The following ADAMTSL1 variants were observed in gnomAD, a reference collection of about 807,000 sequenced individuals.
The protein encoded by ADAMTSL1 is ADAMTS-like protein 1.
Under a neutral mutation model 201.8 loss-of-function variants are expected in ADAMTSL1, and 126 were observed. The observed-to-expected ratio is 0.62, with a 90% confidence interval of 0.54 to 0.72. The LOEUF (loss-of-function observed/expected upper bound fraction) is 0.72, where lower values mean the gene tolerates loss of function less well. Among genes scored for constraint, ADAMTSL1 ranks in the 30% least tolerant of loss-of-function variants. ADAMTSL1 has a pLI of 0.00. For synonymous variants in ADAMTSL1, 1,121 were observed against 903.4 expected, an observed-to-expected ratio of 1.24 and a Z score of -4.32; for missense variants, 2,679 against 2,277.8, an observed-to-expected ratio of 1.18 and a Z score of -3.59.
chr9:18,744,117 T>G (rs1818997068), intron 15 of ADAMTSL1, among the ~76,000 whole-genome samples: 1 of 152,244 alleles, frequency 6.6e-6, no homozygotes, highest in Non-Finnish European at 1.5e-5. Context: ...TGAGATAACA[T>G]AAACAGTCTT....
chr9:18,493,115 T>G (rs1014830475), intron 1 of ADAMTSL1, among the ~76,000 whole-genome samples: 1 of 152,192 alleles, frequency 6.6e-6, no homozygotes, highest in Non-Finnish European at 1.5e-5. Context: ...CTCTATTAAT[T>G]TATTTTAACA....
At chr9:17,983,540 T>C (rs758667426) in intron 1 of ADAMTSL1, among the ~76,000 whole-genome samples, 2 of 152,222 alleles carry the variant, frequency 1.3e-5, no homozygotes, top group Non-Finnish European at 2.9e-5. Flanking sequence ...AGGATAACTC[T>C]ATGTGGTTAG....
chr9:18,257,696 G>A (rs946967330), intron 2 of ADAMTSL1, among the ~76,000 whole-genome samples: 1 of 151,970 alleles, frequency 6.6e-6, no homozygotes, highest in South Asian at 2.1e-4. Context: ...TACCCCCAAA[G>A]AACCGAAAGC....
rs367801563 is a variant in ADAMTSL1, at chr9:18,777,112, C to T, written c.2883C>T (p.Ile961=). ...PAREHFVIKL[I]GGNRKLVARP... is the part of the protein sequence containing the mutation. ...GGGAGCACTTTGTGATTAAGCTCAT[C>T]GGAGGCAACCGCAAGCTCGTGGCCC... The change falls in exon 19 of 29, where the codon ATC becomes ATT. Residue 961 remains isoleucine, a synonymous_variant. Transcript: ENST00000380548. 7.6e-5 allele frequency: 123 copies of T among 1,612,952 alleles called. No individual in the cohort carries two copies. The highest frequency in any genetic ancestry group is 9.0e-5 in the Non-Finnish European group (106 of 1,179,830).
rs563755504 is a variant in ADAMTSL1, at chr9:18,517,931, T to A, written c.191+12975T>A. ...GAAAGTTCTTCATGGCCTGGAGTTA[T>A]CTTTATAACAGTTCCTTCTGTATGT... On this transcript the variant is annotated intron_variant, in intron 2 of 28. Transcript: ENST00000380548. Among the ~76,000 whole-genome samples, 3 of 152,276 alleles carry A rather than the reference T, an allele frequency of 2.0e-5. No individual in the cohort carries two copies. In the East Asian group the frequency reaches 5.8e-4, roughly 29 times the overall value.
At chr9:18,845,924 G>A (rs1273110160) in intron 23 of ADAMTSL1, among the ~76,000 whole-genome samples, 1 of 152,188 alleles carries the variant, frequency 6.6e-6, no homozygotes, top group Non-Finnish European at 1.5e-5. Context: ...TGAGAAAACA[G>A]TTGAATAAAT....
intron 2 of ADAMTSL1, among the ~76,000 whole-genome samples, chr9:18,249,611 T>C (rs1484486805): frequency 6.6e-6 from 1 of 152,224 alleles, no homozygotes; most frequent in Non-Finnish European, 1.5e-5. Context: ...TATTGTTTCA[T>C]GCTTAATTAG....
intron 2 of ADAMTSL1, among the ~76,000 whole-genome samples, chr9:18,300,282 T>TA (rs1271412662): frequency 6.6e-6 from 1 of 152,040 alleles, no homozygotes; most frequent in Non-Finnish European, 1.5e-5. Context: ...TATGGAGCCA[T>TA]AAAAAAGGAT....
At chr9:18,065,692 T>G (rs77738830) in intron 1 of ADAMTSL1, among the ~76,000 whole-genome samples, 2,709 of 152,218 alleles carry the variant, frequency 0.018, 70 homozygotes, top group African/African-American at 0.062. Context: ...TCTTAAGTGT[T>G]AGAAAGGGCC....
intron 2 of ADAMTSL1, among the ~76,000 whole-genome samples, chr9:18,518,800 C>T (rs1322236264): frequency 6.6e-6 from 1 of 152,180 alleles, no homozygotes; most frequent in Non-Finnish European, 1.5e-5. Context: ...CCTCTGCCCC[C>T]CGGATTCAAG....
chr9:18,510,288 G>A (rs1056379095), intron 2 of ADAMTSL1, among the ~76,000 whole-genome samples: 4 of 152,140 alleles, frequency 2.6e-5, no homozygotes, highest in South Asian at 2.1e-4. Flanking sequence ...CTGATGGACC[G>A]GGAGCTTGTG....
intron 2 of ADAMTSL1, among the ~76,000 whole-genome samples, chr9:18,397,084 G>A (rs1170065328): frequency 6.6e-6 from 1 of 151,350 alleles, no homozygotes; most frequent in Non-Finnish European, 1.5e-5. Context: ...TAACCCCTAT[G>A]CATAAATTAG....
At chr9:18,305,278 G>A (rs1028275242) in intron 2 of ADAMTSL1, among the ~76,000 whole-genome samples, 3 of 152,206 alleles carry the variant, frequency 2.0e-5, no homozygotes, top group South Asian at 2.1e-4. Context: ...AAACTGGGCG[G>A]CTGTTTGAGC....
Position 18,535,184 on chromosome 9 carries a change from C to T in ADAMTSL1, c.237+1892C>T, listed in dbSNP as rs187216535. On this transcript the variant is annotated intron_variant, in intron 3 of 28. Coordinates refer to ENST00000380548, the MANE Select transcript of ADAMTSL1 (RefSeq NM_001040272.6). ...TTAGAAATTTCTTCTGCCAGATACC[C>T]TAAATCATCTCTCTCAAGTTCAAAG... Among the ~76,000 whole-genome samples the T allele has an allele frequency of 1.9e-3, 293 of 152,260 alleles. 5 individuals carry two copies. The highest frequency in any genetic ancestry group is 0.016 in the Admixed American group (245 of 15,288).
chr9:18,013,447 C>G (rs747792029), intron 1 of ADAMTSL1, among the ~76,000 whole-genome samples: 13 of 151,928 alleles, frequency 8.6e-5, no homozygotes, highest in Non-Finnish European at 1.5e-4. Context: ...ACAGTCTTAC[C>G]TTGAGAGTTC....
chr9:18,543,806 GC>G (rs897867202), intron 3 of ADAMTSL1, among the ~76,000 whole-genome samples: 2 of 152,106 alleles, frequency 1.3e-5, no homozygotes, highest in African/African-American at 4.8e-5. Flanking sequence ...TTCACTGGGT[GC>G]CCCCCAGCCC....
At chr9:18,394,066 G>A (rs1726745365) in intron 2 of ADAMTSL1, among the ~76,000 whole-genome samples, 1 of 152,184 alleles carries the variant, frequency 6.6e-6, no homozygotes, top group Non-Finnish European at 1.5e-5. Flanking sequence ...CTGACTGAAT[G>A]GGTGAAAAAT....
intron 2 of ADAMTSL1, among the ~76,000 whole-genome samples, chr9:18,461,650 A>G (rs1820810601): frequency 6.6e-6 from 1 of 152,198 alleles, no homozygotes; most frequent in African/African-American, 2.4e-5. Flanking sequence ...TTCAGTTACA[A>G]GGCAGTATCT....
At chr9:18,806,310 G>A (rs192954534) in intron 20 of ADAMTSL1, among the ~76,000 whole-genome samples, 6 of 152,308 alleles carry the variant, frequency 3.9e-5, no homozygotes, top group East Asian at 1.9e-4. Flanking sequence ...CACACTTCAC[G>A]TCTGTTCATG....
Sources: gnomAD v4.1 joint callset for allele counts (sites outside exome capture counted in the v4.1 genomes callset) on GRCh38, gnomAD v4.1.1 for gene constraint, MANE v1.5 for transcripts, NCBI Gene and HGNC (gene_info 2026-07-23, HGNC 2026-07-21) for gene names.